STK17B: variants seen among roughly 807,000 people sequenced by gnomAD.
STK17B encodes serine/threonine-protein kinase 17B.
In STK17B, 21 loss-of-function variants were observed where a neutral mutation model predicts 42.0. The observed-to-expected ratio is 0.50, with a 90% CI of 0.35 to 0.72. The LOEUF (loss-of-function observed/expected upper bound fraction) is 0.72, where lower values mean the gene tolerates loss of function less well. STK17B is among the 30% of genes least tolerant of loss of function. STK17B has a pLI of 0.00. For missense variants in STK17B, 349 were observed against 446.0 expected (o/e 0.78, Z 1.96); for synonymous variants, 143 against 148.4 (o/e 0.96, Z 0.26).
chr2:196,156,856 C>A (rs1359952564), intron 2 of STK17B, among the ~76,000 whole-genome samples: 1 of 152,136 alleles, frequency 6.6e-6, no homozygotes, highest in African/African-American at 2.4e-5. Flanking sequence ...ATGTAAATGG[C>A]AAACTATAAC....
Position 196,136,473 on chromosome 2 carries a change from T to C in STK17B, c.*974A>G, listed in dbSNP as rs548798495. 21 of 152,752 alleles carry C rather than the reference T, an allele frequency of 1.4e-4. No individual in the cohort carries two copies. Among genetic ancestry groups the C allele is most frequent in the African/African-American group, 4.1e-4 (17 of 41,580 alleles). 9.5% of individuals were successfully genotyped at this position (152,752 alleles called of 1,614,324 possible). A position where few individuals can be genotyped will look rare whatever the true frequency, so the allele number is the denominator to read the frequency against. ...ACCGCTGACTCGGGCACTGTGTTAA[T>C]AGACCTACCGGTGCTGTAATTTTTT... On this transcript the variant is annotated 3_prime_UTR_variant, in exon 8 of 8. Transcript: ENST00000263955.
chr2:196,139,399 C>A (rs1452458906), intron 7 of STK17B, among the ~76,000 whole-genome samples: 1 of 152,128 alleles, frequency 6.6e-6, no homozygotes, highest in Admixed American at 6.5e-5. Context: ...TAACTCAAAT[C>A]TTTTCTTTAC....
At chr2:196,141,848 T>A (rs1019253192) in intron 5 of STK17B, among the ~76,000 whole-genome samples, 2 of 152,102 alleles carry the variant, frequency 1.3e-5, no homozygotes, top group Non-Finnish European at 2.9e-5. Flanking sequence ...AGTGGCTAGG[T>A]AGTTAAACTC....
At chr2:196,158,302 C>T (rs114740693) in intron 2 of STK17B, among the ~76,000 whole-genome samples, 1,686 of 152,182 alleles carry the variant, frequency 0.011, 36 homozygotes, top group African/African-American at 0.038. Context: ...TTTTTATTAC[C>T]CAAATTTCCT....
intron 2 of STK17B, 35 bp from the exon 3 acceptor site, chr2:196,156,686 T>G (rs1219270905): frequency 6.5e-7 from 1 of 1,539,474 alleles, no homozygotes; most frequent in Non-Finnish European, 8.9e-7. Flanking sequence ...TTTTAATTTT[T>G]CTGCAGAGAA....
chr2:196,144,750 C>T (rs1395300694), intron 4 of STK17B, among the ~76,000 whole-genome samples: 2 of 152,118 alleles, frequency 1.3e-5, no homozygotes, highest in East Asian at 3.9e-4. Flanking sequence ...TGCAGGCCCA[C>T]GGCCTATTAC....
At chr2:196,156,984 G>A (rs148202485) in intron 2 of STK17B, among the ~76,000 whole-genome samples, 5,419 of 152,132 alleles carry the variant, frequency 0.036, 306 homozygotes, top group African/African-American at 0.12. Flanking sequence ...GGCCAACATG[G>A]CAAAACCCTG....
At chr2:196,141,738 G>A (rs1011317426) in intron 5 of STK17B, among the ~76,000 whole-genome samples, 7 of 152,232 alleles carry the variant, frequency 4.6e-5, no homozygotes, top group African/African-American at 1.7e-4. Context: ...ATTTAGCACA[G>A]TATTAATTAT....
Position 196,139,706 on chromosome 2 carries a change from A to T in STK17B, c.750T>A (p.Val250=), listed in dbSNP as rs1221166842. The change falls in exon 7 of 8, where the codon GTT becomes GTA. Residue 250 remains valine (V), a synonymous_variant. Coordinates refer to ENST00000263955, the MANE Select transcript of STK17B (RefSeq NM_004226.4). ...AAGTTTCTTCCGAATAATCTACATTAACTTGAGAAATATTGAGGTATGTTT... is the reference window on the plus strand; with the variant it reads ...AAGTTTCTTCCGAATAATCTACATTTACTTGAGAAATATTGAGGTATGTTT... ...NQETYLNISQ[V]NVDYSEETFS... 1 of 1,482,988 alleles carries T rather than the reference A, an allele frequency of 6.7e-7. No homozygotes were observed. Among genetic ancestry groups the T allele is most frequent in the South Asian group, 1.5e-5 (1 of 66,630 alleles). The allele number at this position is 1,482,988 out of a possible 1,614,324, so 91.9% of individuals were successfully genotyped here.
chr2:196,144,603 A>C (rs1443332879), intron 4 of STK17B, among the ~76,000 whole-genome samples: 1 of 151,972 alleles, frequency 6.6e-6, no homozygotes, highest in Non-Finnish European at 1.5e-5. Context: ...TCCAGAAATG[A>C]AAAATGGTTC....
chr2:196,146,628 C>T (rs938904883), intron 3 of STK17B, among the ~76,000 whole-genome samples: 1 of 152,090 alleles, frequency 6.6e-6, no homozygotes, highest in African/African-American at 2.4e-5. Flanking sequence ...GCCTTCACTG[C>T]AATAAAGATA....
intron 3 of STK17B, chr2:196,154,233 C>CAACAA (rs1205777285): frequency 2.0e-5 from 3 of 151,004 alleles, no homozygotes; most frequent in Non-Finnish European, 4.4e-5. Flanking sequence ...ACTCCAACAA[C>CAACAA]AACAACAACA....
chr2:196,169,068 ATTTTTTTTTTTTT>A (rs571438990), intron 1 of STK17B, among the ~76,000 whole-genome samples: 3 of 112,686 alleles, frequency 2.7e-5, no homozygotes, highest in Non-Finnish European at 5.4e-5. Context: ...TAGGAATACT[ATTTTTTTTTTTTT>A]TTTTTTTTTT....
intron 1 of STK17B, among the ~76,000 whole-genome samples, chr2:196,164,998 T>A (rs1161513790): frequency 6.6e-6 from 1 of 152,204 alleles, no homozygotes; most frequent in Non-Finnish European, 1.5e-5. Flanking sequence ...ATTCCATTCA[T>A]CCATCATACC....
At chr2:196,138,133 T>C (rs1699434322) in intron 7 of STK17B, among the ~76,000 whole-genome samples, 1 of 152,218 alleles carries the variant, frequency 6.6e-6, no homozygotes, top group Admixed American at 6.5e-5. Flanking sequence ...ATATTATCTC[T>C]CATGAAGATA....
intron 7 of STK17B, among the ~76,000 whole-genome samples, chr2:196,138,138 A>G (rs1699434481): frequency 1.3e-5 from 2 of 152,240 alleles, no homozygotes; most frequent in South Asian, 4.1e-4. Context: ...ATCTCTCATG[A>G]AGATAAAAAG....
chr2:196,166,860 A>G (rs1285085514), intron 1 of STK17B, among the ~76,000 whole-genome samples: 1 of 152,222 alleles, frequency 6.6e-6, no homozygotes, highest in Non-Finnish European at 1.5e-5. Context: ...ATCAAATAAG[A>G]AAGTTTTTAA....
At chr2:196,143,452 A>T (rs1699521627) in intron 5 of STK17B, 108 bp downstream of exon 5, 1 of 1,112,452 alleles carries the variant, frequency 9.0e-7, no homozygotes, top group South Asian at 1.9e-5. Context: ...TGAACCAATC[A>T]AATCCTTTTA....
chr2:196,157,092 C>T (rs769314338), intron 2 of STK17B, among the ~76,000 whole-genome samples: 52 of 149,476 alleles, frequency 3.5e-4, no homozygotes, highest in African/African-American at 9.8e-5. Context: ...GCAGAAGTTG[C>T]AGTGAGCCAA....
Sources: gnomAD v4.1 joint callset for allele counts (sites outside exome capture counted in the v4.1 genomes callset) on GRCh38, gnomAD v4.1.1 for gene constraint, MANE v1.5 for transcripts, NCBI Gene and HGNC (gene_info 2026-07-23, HGNC 2026-07-21) for gene names.